Variants in SMAGP observed in about 807,000 individuals in gnomAD.
SMAGP encodes small cell transmembrane and glycosylated protein.
SMAGP carries 7 observed loss-of-function variants against 10.1 expected under a neutral mutation model. The ratio of observed to expected loss-of-function variants is 0.70; its 90% CI spans 0.40 to 1.31. SMAGP has a LOEUF of 1.31. SMAGP is among the 50% of genes most tolerant of loss of function. The pLI is 0.01. For synonymous variants in SMAGP, 49 were observed against 47.2 expected (o/e 1.04, Z -0.16); for missense variants, 113 against 116.5 (o/e 0.97, Z 0.14).
intron 2 of SMAGP, among the ~76,000 whole-genome samples, chr12:51,247,099 T>C (rs916565321): frequency 1.3e-5 from 2 of 152,142 alleles, no homozygotes; most frequent in African/African-American, 4.8e-5. Flanking sequence ...GTTTCAAATA[T>C]GAACTCTGTC....
Position 51,269,318 on chromosome 12 carries a change from T to C in SMAGP, c.-38-2A>G, listed in dbSNP as rs1245240107. ...GAGTTTCTTGGAGAAGAGGCAGATC[T>C]GTAGGAAGAGGGGCAAAGACAGGAA... On this transcript the variant is annotated splice_acceptor_variant, in intron 1 of 3. Coordinates refer to ENST00000603798, the MANE Select transcript of SMAGP (RefSeq NM_001031628.2). LOFTEE classifies it low-confidence loss of function (5UTR_SPLICE). 1 of 1,612,924 alleles carries C rather than the reference T, an allele frequency of 6.2e-7. No individual in the cohort carries two copies. Among genetic ancestry groups the C allele is most frequent in the African/African-American group, 1.3e-5 (1 of 74,912 alleles).
chr12:51,256,652 G>A (rs956665932), intron 2 of SMAGP, among the ~76,000 whole-genome samples: 4 of 151,948 alleles, frequency 2.6e-5, no homozygotes, highest in Non-Finnish European at 4.4e-5. Flanking sequence ...CCCAGGAGGC[G>A]GAGGTTGCGG....
At position 51,269,305 on chromosome 12, in the gene SMAGP, G is replaced by A. The variant is rs1314674674; in HGVS notation, c.-27C>T. The A allele has an allele frequency of 6.2e-7, 1 of 1,613,696 alleles. No individual in the cohort carries two copies. Among genetic ancestry groups the A allele is most frequent in the Non-Finnish European group, 8.5e-7 (1 of 1,179,740 alleles). On this transcript the variant is annotated 5_prime_UTR_variant, in exon 2 of 4. Coordinates refer to ENST00000603798, the MANE Select transcript of SMAGP (RefSeq NM_001031628.2). ...GTCACTAGTGGTTGAGTTTCTTGGA[G>A]AAGAGGCAGATCTGTAGGAAGAGGG... is the stretch of plus-strand genomic sequence containing the variant.
At chr12:51,253,995 G>C in intron 2 of SMAGP, among the ~76,000 whole-genome samples, 1 of 152,180 alleles carries the variant, frequency 6.6e-6, no homozygotes, top group East Asian at 1.9e-4. Context: ...AGTACTACAG[G>C]AGATTGTAAG....
At chr12:51,255,764 CCTTTTT>C (rs1397513917) in intron 2 of SMAGP, among the ~76,000 whole-genome samples, 1 of 152,114 alleles carries the variant, frequency 6.6e-6, no homozygotes, top group Non-Finnish European at 1.5e-5. Context: ...AAAAGGTGTG[CCTTTTT>C]CTTTTTCTTT....
chr12:51,264,500 C>T (rs941719602), intron 2 of SMAGP, among the ~76,000 whole-genome samples: 1 of 152,100 alleles, frequency 6.6e-6, no homozygotes, highest in Non-Finnish European at 1.5e-5. Flanking sequence ...ATGGTGCACG[C>T]CTGCAGTCCC....
intron 2 of SMAGP, among the ~76,000 whole-genome samples, chr12:51,256,215 G>A (rs1396240151): frequency 6.6e-6 from 1 of 152,138 alleles, no homozygotes; most frequent in African/African-American, 2.4e-5. Flanking sequence ...AGTTATGTGA[G>A]AGGGGTAAGC....
Position 51,246,014 on chromosome 12 carries a change from C to T in SMAGP, c.221G>A (p.Gly74Asp). ...CATCTGGACGATGGCACTGGGCTCA[C>T]CTTCTGTAGGTTCATAGGTGACGTA... The part of the protein sequence containing the change: ...GSYVTYEPTE[G>D]EPSAIVQMES... The change falls in exon 4 of 4, where the codon GGT becomes GAT. Residue 74 changes from glycine (G) to aspartate (D), a missense_variant. Physicochemically the swap from Gly to Asp is moderately conservative, Grantham distance 94 (BLOSUM62 -1). Transcript: ENST00000603798. The T allele has an allele frequency of 5.0e-6, 8 of 1,613,896 alleles. No homozygotes were observed. Among genetic ancestry groups the T allele is most frequent in the Non-Finnish European group, 6.8e-6 (8 of 1,179,838 alleles).
intron 2 of SMAGP, among the ~76,000 whole-genome samples, chr12:51,253,814 G>A (rs1476170829): frequency 1.3e-5 from 2 of 152,188 alleles, no homozygotes; most frequent in Non-Finnish European, 2.9e-5. Flanking sequence ...GCCAAGGCAG[G>A]AGAATCACTT....
chr12:51,263,041 G>A (rs1312409655), intron 2 of SMAGP, among the ~76,000 whole-genome samples: 1 of 152,120 alleles, frequency 6.6e-6, no homozygotes, highest in Non-Finnish European at 1.5e-5. Flanking sequence ...CAGACTTGGC[G>A]CAAAATCCTG....
chr12:51,246,812 T>G lies in SMAGP; in HGVS notation c.54A>C (p.Pro18=). ...ACAGGGCCTCAGTGGGCTGTAAAAT[T>G]GGGGTGGTCATCAGTTCTTCTGGAA... ...PSPREELMTT[P]ILQPTEALSP... The change falls in exon 3 of 4, where the codon CCA becomes CCC. Residue 18 remains proline, a synonymous_variant. Coordinates refer to ENST00000603798, the MANE Select transcript of SMAGP (RefSeq NM_001031628.2). 2 of 1,581,866 alleles carry G rather than the reference T, an allele frequency of 1.3e-6. No individual in the cohort carries two copies. Among genetic ancestry groups the G allele is most frequent in the South Asian group, 2.3e-5 (2 of 85,812 alleles).
In SMAGP at chr12:51,246,739, A is replaced by G. The variant is rs1234181739; in HGVS notation, c.115+12T>C. 1.3e-6 allele frequency: 2 copies of G among 1,556,534 alleles called. No homozygotes were observed. The highest frequency in any genetic ancestry group is 1.4e-5 in the African/African-American group (1 of 72,988). On this transcript the variant is annotated intron_variant, in intron 3 of 3. Transcript: ENST00000603798. ...CCAGAAGGTCCCTTGGAGTTGGCTC[A>G]GAGTCTATTACCTGCAATGAGTGCT... is the stretch of plus-strand genomic sequence containing the variant.
At chr12:51,251,794 C>A (rs1443955093) in intron 2 of SMAGP, among the ~76,000 whole-genome samples, 2 of 152,046 alleles carry the variant, frequency 1.3e-5, no homozygotes, top group Non-Finnish European at 2.9e-5. Flanking sequence ...GTTATCTATT[C>A]TTTAATTTTT....
At chr12:51,249,808 G>T (rs1037033323) in intron 2 of SMAGP, among the ~76,000 whole-genome samples, 2 of 151,512 alleles carry the variant, frequency 1.3e-5, no homozygotes, top group Admixed American at 6.6e-5. Context: ...GTAGAGACAG[G>T]GTTTCACCAT....
At chr12:51,249,560 CTG>C (rs1944816142) in intron 2 of SMAGP, among the ~76,000 whole-genome samples, 1 of 152,064 alleles carries the variant, frequency 6.6e-6, no homozygotes, top group Non-Finnish European at 1.5e-5. Context: ...CAGAAGTCTT[CTG>C]TGTCAACTGT....
chr12:51,246,178 C>T (rs2137292463), intron 3 of SMAGP, 59 bp from the exon 4 acceptor site: 2 of 1,585,728 alleles, frequency 1.3e-6, no homozygotes, highest in Non-Finnish European at 1.7e-6. Flanking sequence ...CTCAGTAGTT[C>T]CTGGAGTCAT....
At chr12:51,264,761 G>A (rs1346291448) in intron 2 of SMAGP, among the ~76,000 whole-genome samples, 7 of 151,466 alleles carry the variant, frequency 4.6e-5, no homozygotes, top group East Asian at 3.9e-4. Context: ...GTGAAACCCC[G>A]TCTCTACTAA....
chr12:51,263,114 G>GACT (rs992482265), intron 2 of SMAGP, among the ~76,000 whole-genome samples: 7 of 152,250 alleles, frequency 4.6e-5, no homozygotes, highest in African/African-American at 1.7e-4. Flanking sequence ...ATTTAACGGT[G>GACT]ACTCATGCCT....
intron 2 of SMAGP, among the ~76,000 whole-genome samples, chr12:51,250,500 GTTTT>G (rs373705718): frequency 4.5e-5 from 4 of 88,070 alleles, no homozygotes; most frequent in Admixed American, 1.1e-4. Context: ...TTGTTGTTGT[GTTTT>G]TTTTTTGTTT....
Sources: gnomAD v4.1 joint callset for allele counts (sites outside exome capture counted in the v4.1 genomes callset) on GRCh38, gnomAD v4.1.1 for gene constraint, MANE v1.5 for transcripts, NCBI Gene and HGNC (gene_info 2026-07-23, HGNC 2026-07-21) for gene names.